The following LARS1 variants were observed in gnomAD, a reference collection of about 807,000 sequenced individuals.
The protein encoded by LARS1 is leucine--tRNA ligase, cytoplasmic.
In LARS1, 100 loss-of-function variants were observed where a neutral mutation model predicts 162.8. That is an observed-to-expected ratio of 0.61 (90% CI 0.52 to 0.73). The LOEUF (loss-of-function observed/expected upper bound fraction) is 0.73, where lower values mean the gene tolerates loss of function less well. LARS1 is among the 30% of genes least tolerant of loss of function. The pLI, the probability that LARS1 is intolerant of heterozygous loss-of-function variation, is 0.00. For missense variants in LARS1, 1,258 were observed against 1,408.9 expected (o/e 0.89, Z 1.71); for synonymous variants, 457 against 462.8 (o/e 0.99, Z 0.16).
chr5:146,135,041 T>C (rs577924861), intron 22 of LARS1, among the ~76,000 whole-genome samples: 6 of 152,186 alleles, frequency 3.9e-5, no homozygotes, highest in Admixed American at 2.6e-4. Context: ...AGTTTCACTC[T>C]TGTTGCCTAA....
intron 21 of LARS1, among the ~76,000 whole-genome samples, chr5:146,136,552 C>T (rs1265595892): frequency 6.6e-6 from 1 of 150,704 alleles, no homozygotes; most frequent in Admixed American, 6.6e-5. Flanking sequence ...GCAATCTTGG[C>T]TCAGTGCAAC....
chr5:146,161,285 A>C (rs1261340824), intron 6 of LARS1, among the ~76,000 whole-genome samples: 1 of 152,198 alleles, frequency 6.6e-6, no homozygotes, highest in Non-Finnish European at 1.5e-5. Flanking sequence ...TGATGAGAGA[A>C]GTGGCTACTG....
chr5:146,116,086 T>C (rs2126344968), intron 31 of LARS1, among the ~76,000 whole-genome samples: 1 of 152,312 alleles, frequency 6.6e-6, no homozygotes, highest in Non-Finnish European at 1.5e-5. Flanking sequence ...AAACCCTGTC[T>C]AAGAGTCTTT....
intron 13 of LARS1, among the ~76,000 whole-genome samples, chr5:146,152,220 A>AC (rs1399488548): frequency 2.6e-5 from 4 of 151,376 alleles, no homozygotes; most frequent in African/African-American, 9.7e-5. Flanking sequence ...GTGTACCAAC[A>AC]CCCCCAATGC....
At chr5:146,156,323 C>G (rs977997141) in intron 10 of LARS1, among the ~76,000 whole-genome samples, 4 of 152,080 alleles carry the variant, frequency 2.6e-5, no homozygotes, top group African/African-American at 7.2e-5. Context: ...TCATATTTTT[C>G]TTTTTAAAAA....
At chr5:146,115,512 G>C (rs952488603) in intron 31 of LARS1, among the ~76,000 whole-genome samples, 53 of 136,240 alleles carry the variant, frequency 3.9e-4, no homozygotes, top group African/African-American at 1.3e-3. Context: ...GTAGGATGAG[G>C]TCTAATACCC....
chr5:146,167,982 C>A (rs1367308259), intron 5 of LARS1, 146 bp downstream of exon 5: 2 of 649,390 alleles, frequency 3.1e-6, no homozygotes, highest in Non-Finnish European at 4.8e-6. Context: ...CCGCGCCTGG[C>A]CAGAAAGATA....
intron 30 of LARS1, among the ~76,000 whole-genome samples, chr5:146,121,403 T>TA (rs991792606): frequency 8.5e-5 from 13 of 152,162 alleles, no homozygotes; most frequent in African/African-American, 3.1e-4. Flanking sequence ...TCTTTGAGAC[T>TA]AAAAAAACAG....
At chr5:146,172,094 T>C in intron 3 of LARS1, 104 bp from the exon 4 acceptor site, 1 of 973,718 alleles carries the variant, frequency 1.0e-6, no homozygotes, top group Non-Finnish European at 1.6e-6. Flanking sequence ...TACATCCTCC[T>C]TTGGAATGCC....
chr5:146,170,657 C>A (rs566078598), intron 4 of LARS1, among the ~76,000 whole-genome samples: 2 of 151,972 alleles, frequency 1.3e-5, no homozygotes, highest in African/African-American at 4.8e-5. Context: ...AGCAATGACA[C>A]GTCATGATAT....
intron 15 of LARS1, among the ~76,000 whole-genome samples, chr5:146,148,129 T>C (rs897140468): frequency 2.6e-5 from 4 of 152,172 alleles, no homozygotes; most frequent in African/African-American, 9.7e-5. Flanking sequence ...CAATTTACCT[T>C]CCAGGTACCC....
At chr5:146,131,487 T>TTTG (rs1752278161) in intron 23 of LARS1, 1 of 10,048 alleles carries the variant, frequency 1.0e-4, no homozygotes, top group Non-Finnish European at 1.7e-4. Context: ...TGTAGCCAAG[T>TTTG]TTTTTTTTTT....
At chr5:146,137,044 C>T (rs2126452120) in intron 21 of LARS1, among the ~76,000 whole-genome samples, 1 of 152,186 alleles carries the variant, frequency 6.6e-6, no homozygotes, top group East Asian at 1.9e-4. Flanking sequence ...TTACAGGCGC[C>T]CACAACCAGG....
intron 1 of LARS1, among the ~76,000 whole-genome samples, chr5:146,177,895 T>C (rs1002998751): frequency 6.6e-6 from 1 of 151,564 alleles, no homozygotes; most frequent in African/African-American, 2.4e-5. Context: ...AGGTCAGGAG[T>C]TCGAGATCAG....
At chr5:146,181,879 T>TTTTTTTTTTA (rs1754880646) in intron 1 of LARS1, among the ~76,000 whole-genome samples, 3 of 114,952 alleles carry the variant, frequency 2.6e-5, no homozygotes, top group Admixed American at 1.0e-4. Flanking sequence ...TTTTTTTTTT[T>TTTTTTTTTTA]GCTGTAAGTA....
intron 4 of LARS1, among the ~76,000 whole-genome samples, chr5:146,171,136 C>G (rs956538051): frequency 1.3e-5 from 2 of 151,842 alleles, no homozygotes; most frequent in African/African-American, 2.4e-5. Context: ...GTGGGTGGAT[C>G]AACTGAGGTC....
intron 10 of LARS1, among the ~76,000 whole-genome samples, chr5:146,155,468 G>A (rs1327467570): frequency 6.6e-6 from 1 of 152,158 alleles, no homozygotes; most frequent in Non-Finnish European, 1.5e-5. Flanking sequence ...TAGTAGTTAT[G>A]AAGACAAAGT....
chr5:146,120,951 C>G (rs1004873407), intron 30 of LARS1, among the ~76,000 whole-genome samples: 1 of 152,084 alleles, frequency 6.6e-6, no homozygotes, highest in African/African-American at 2.4e-5. Context: ...TCAACATAAA[C>G]CTATGTTGTA....
intron 14 of LARS1, among the ~76,000 whole-genome samples, chr5:146,150,626 CAAAAA>C (rs71581862): frequency 1.5e-5 from 1 of 68,822 alleles, no homozygotes; most frequent in African/African-American, 5.7e-5. Flanking sequence ...GACTCCGTCT[CAAAAA>C]AAAAAAAAAA....
Sources: gnomAD v4.1 joint callset for allele counts (sites outside exome capture counted in the v4.1 genomes callset) on GRCh38, gnomAD v4.1.1 for gene constraint, MANE v1.5 for transcripts, NCBI Gene and HGNC (gene_info 2026-07-23, HGNC 2026-07-21) for gene names.